RAD51D: variants seen among roughly 807,000 people sequenced by gnomAD.
The protein encoded by RAD51D is DNA repair protein RAD51 homolog 4.
A neutral mutation model predicts 44.1 loss-of-function variants in RAD51D; 38 were observed. The observed-to-expected ratio is 0.86, with a 90% CI of 0.67 to 1.13. RAD51D has a LOEUF of 1.13. Ranked by LOEUF, RAD51D falls within the 50% of genes most tolerant of loss-of-function variation. RAD51D has a pLI of 0.00. For synonymous variants in RAD51D, 141 were observed against 166.6 expected (o/e 0.85, Z 1.18); for missense variants, 390 against 414.0 (o/e 0.94, Z 0.50).
rs2091512547 is a variant in RAD51D, at chr17:35,099,710, A to C, written c.*1243T>G. ...CCTCCTTTCCTGCAGCCAAGACATAACTGATTAATTACACAACAGGCTCTC... is the reference window on the plus strand; with the variant it reads ...CCTCCTTTCCTGCAGCCAAGACATACCTGATTAATTACACAACAGGCTCTC... On this transcript the variant is annotated 3_prime_UTR_variant, in exon 10 of 10. Coordinates refer to ENST00000345365, the MANE Select transcript of RAD51D (RefSeq NM_002878.4). The C allele has an allele frequency of 2.5e-6, 1 of 393,520 alleles. No homozygotes were observed. Among genetic ancestry groups the C allele is most frequent in the South Asian group, 2.1e-5 (1 of 48,424 alleles). The allele number at this position is 393,520 out of a possible 1,614,324, so 24.4% of individuals were successfully genotyped here. A position where few individuals can be genotyped will look rare whatever the true frequency, so the allele number is the denominator to read the frequency against.
At chr17:35,119,409 G>T in intron 1 of RAD51D, 123 bp downstream of exon 1, 1 of 1,182,600 alleles carries the variant, frequency 8.5e-7, no homozygotes, top group Non-Finnish European at 1.2e-6. Flanking sequence ...CTCCAGAAGC[G>T]CGGCCCTCTA....
intron 8 of RAD51D, 99 bp from the exon 9 acceptor site, chr17:35,101,464 G>A: frequency 7.5e-7 from 1 of 1,332,406 alleles, no homozygotes; most frequent in Non-Finnish European, 1.1e-6. Context: ...GCCTAGCACA[G>A]AGAAATAACT....
In RAD51D at chr17:35,096,645, G is replaced by C. The variant is rs1278120514; in HGVS notation, c.*4308C>G. The C allele has an allele frequency of 6.6e-6, 1 of 152,140 alleles. No individual in the cohort carries two copies. The highest frequency in any genetic ancestry group is 1.5e-5 in the Non-Finnish European group (1 of 68,044). 9.4% of individuals were successfully genotyped at this position (152,140 alleles called of 1,614,324 possible). A position where few individuals can be genotyped will look rare whatever the true frequency, so the allele number is the denominator to read the frequency against. On this transcript the variant is annotated 3_prime_UTR_variant, in exon 10 of 10. Coordinates refer to ENST00000345365, the MANE Select transcript of RAD51D (RefSeq NM_002878.4). ...GGAGGTCAAGGCGGGTAGATCACCT[G>C]AGCCCAGGAGTTCAAGACCAGCCTG...
At position 35,119,744 on chromosome 17, in the gene RAD51D, A is replaced by G; in HGVS notation, c.-131T>C. 1 of 860,120 alleles carries G rather than the reference A, an allele frequency of 1.2e-6. No homozygotes were observed. Among genetic ancestry groups the G allele is most frequent in the Non-Finnish European group, 1.9e-6 (1 of 526,978 alleles). The allele number at this position is 860,120 out of a possible 1,614,324, so 53.3% of individuals were successfully genotyped here. ...AGGCGCGCTGGCTGCCGGAGGAGAA[A>G]GGAGAGAGGAGGAGGCGGCACCAAG... On this transcript the variant is annotated 5_prime_UTR_variant, in exon 1 of 10. Coordinates refer to ENST00000345365, the MANE Select transcript of RAD51D (RefSeq NM_002878.4).
rs896578423 is a variant in RAD51D, at chr17:35,093,146, G to A, written c.*7807C>T. On this transcript the variant is annotated 3_prime_UTR_variant, in exon 10 of 10. Coordinates refer to ENST00000345365, the MANE Select transcript of RAD51D (RefSeq NM_002878.4). ...ATAAGCTTATTCATAATATGAGATTGAGTGCCTATATCATGCCTGGAAAAC... is the reference window on the plus strand; with the variant it reads ...ATAAGCTTATTCATAATATGAGATTAAGTGCCTATATCATGCCTGGAAAAC... The A allele has an allele frequency of 6.6e-6, 1 of 152,118 alleles. No homozygotes were observed. The highest frequency in any genetic ancestry group is 2.4e-5 in the African/African-American group (1 of 41,412). 9.4% of individuals were successfully genotyped at this position (152,118 alleles called of 1,614,324 possible). A position where few individuals can be genotyped will look rare whatever the true frequency, so the allele number is the denominator to read the frequency against.
intron 4 of RAD51D, 80 bp downstream of exon 4, chr17:35,107,286 T>G: frequency 6.8e-7 from 1 of 1,467,218 alleles, no homozygotes; most frequent in Non-Finnish European, 9.5e-7. Flanking sequence ...ATTAGTACGC[T>G]GAAGCTCCCC....
intron 3 of RAD51D, chr17:35,117,007 C>T (rs2091757951): frequency 6.2e-7 from 1 of 1,613,656 alleles, no homozygotes; most frequent in Non-Finnish European, 8.5e-7. Flanking sequence ...TGCAGTCCTC[C>T]CAGGTTCCCA....
At position 35,100,233 on chromosome 17, in the gene RAD51D, C is replaced by T. The variant is rs1009781629; in HGVS notation, c.*720G>A. 4 of 532,468 alleles carry T rather than the reference C, an allele frequency of 7.5e-6. No homozygotes were observed. Among genetic ancestry groups the T allele is most frequent in the East Asian group, 7.8e-5 (2 of 25,536 alleles). The allele number at this position is 532,468 out of a possible 1,614,324, so 33.0% of individuals were successfully genotyped here. ...TTAAATTATATCCCTGGAACTGCAG[C>T]GAGCCCACACGTTCTCACCTAGTCA... On this transcript the variant is annotated 3_prime_UTR_variant, in exon 10 of 10. Coordinates refer to ENST00000345365, the MANE Select transcript of RAD51D (RefSeq NM_002878.4).
rs764351040 is a variant in RAD51D at position 35,118,560 on chromosome 17, G to T, written c.204C>A (p.Gly68=). 3 of 1,614,020 alleles carry T rather than the reference G, an allele frequency of 1.9e-6. No homozygotes were observed. The highest frequency in any genetic ancestry group is 2.5e-6 in the Non-Finnish European group (3 of 1,180,044). ...TCTTCAGTTCCTCGTAGAGATCAGC[G>T]CCATTCACGGGGAAAGCCGAGAACT... ...LAQFSAFPVN[G]ADLYEELKTS... Residue 68 remains glycine, a synonymous_variant, in exon 3 of 10, where the codon GGC becomes GGA. Transcript: ENST00000345365.
At chr17:35,108,873 T>C (rs546181712) in intron 3 of RAD51D, among the ~76,000 whole-genome samples, 1 of 150,134 alleles carries the variant, frequency 6.7e-6, no homozygotes, top group Non-Finnish European at 1.5e-5. Context: ...CTTTTCTTTT[T>C]TTTTTTTTTT....
Position 35,100,896 on chromosome 17 carries a change from G to C in RAD51D, c.*57C>G, listed in dbSNP as rs1197053407. On this transcript the variant is annotated 3_prime_UTR_variant, in exon 10 of 10. Coordinates refer to ENST00000345365, the MANE Select transcript of RAD51D (RefSeq NM_002878.4). Reference sequence around the variant, plus strand: ...GGCAGTAAACAGCAGGCGTTACTGGGAAGAAAAGTTGGGAGGGGTCCCCAA... The same window carrying C: ...GGCAGTAAACAGCAGGCGTTACTGGCAAGAAAAGTTGGGAGGGGTCCCCAA... 5.5e-6 allele frequency: 8 copies of C among 1,446,182 alleles called. No homozygotes were observed. The highest frequency in any genetic ancestry group is 7.8e-6 in the Non-Finnish European group (8 of 1,028,032). The allele number at this position is 1,446,182 out of a possible 1,614,324, so 89.6% of individuals were successfully genotyped here. A position where few individuals can be genotyped will look rare whatever the true frequency, so the allele number is the denominator to read the frequency against.
rs970320422 is a variant in RAD51D, at chr17:35,099,781, A to G, written c.*1172T>C. Reference sequence around the variant, plus strand: ...CCTTTAAAAGATGTGGCCAGTAACCAATCCTGATCATTTCTGTACTTTTCC... The same window carrying G: ...CCTTTAAAAGATGTGGCCAGTAACCGATCCTGATCATTTCTGTACTTTTCC... On this transcript the variant is annotated 3_prime_UTR_variant, in exon 10 of 10. Coordinates refer to ENST00000345365, the MANE Select transcript of RAD51D (RefSeq NM_002878.4). The G allele has an allele frequency of 4.4e-6, 2 of 449,902 alleles. No homozygotes were observed. Among genetic ancestry groups the G allele is most frequent in the African/African-American group, 4.0e-5 (2 of 50,108 alleles). 27.9% of individuals were successfully genotyped at this position (449,902 alleles called of 1,614,324 possible).
intron 5 of RAD51D, 103 bp downstream of exon 5, chr17:35,106,885 T>C: frequency 2.6e-6 from 4 of 1,555,786 alleles, no homozygotes; most frequent in Non-Finnish European, 3.5e-6. Flanking sequence ...ACAGCAAGTT[T>C]GAAGGCAAGG....
chr17:35,119,442 C>G, intron 1 of RAD51D, 90 bp downstream of exon 1: 1 of 1,406,828 alleles, frequency 7.1e-7, no homozygotes, highest in Non-Finnish European at 1.0e-6. Context: ...AAGCGCCCTG[C>G]AGGTATGCCA....
At chr17:35,108,785 T>C in intron 3 of RAD51D, among the ~76,000 whole-genome samples, 1 of 152,044 alleles carries the variant, frequency 6.6e-6, no homozygotes, top group South Asian at 2.1e-4. Flanking sequence ...CAACCACTAA[T>C]CTCTATTATG....
intron 3 of RAD51D, chr17:35,115,187 CA>C: frequency 8.4e-6 from 4 of 476,812 alleles, no homozygotes; most frequent in South Asian, 6.1e-5. Context: ...GCCTAGAATA[CA>C]GGTGATTTCT....
At chr17:35,117,702 C>G (rs2091766675) in intron 3 of RAD51D, among the ~76,000 whole-genome samples, 1 of 152,124 alleles carries the variant, frequency 6.6e-6, no homozygotes, top group African/African-American at 2.4e-5. Context: ...TTTGGGCGGG[C>G]AAGCAGGCCA....
At chr17:35,105,603 G>GTCATTA (rs1402151905) in intron 6 of RAD51D, among the ~76,000 whole-genome samples, 1 of 152,160 alleles carries the variant, frequency 6.6e-6, no homozygotes, top group Non-Finnish European at 1.5e-5. Context: ...TCCACATCTA[G>GTCATTA]TCATTTATAA....
rs730881935 is a variant in RAD51D, at chr17:35,107,104, CT to C, written c.363del (p.Ala122GlnfsTer14). ...SGKTQVCLCM[A>X]ANVAHGLQQN... ...TGCTGCAGGCCATGGGCCACATTTG[CT>C]GCCATACAGAGACATACCTGGGGGT... On this transcript the variant is annotated frameshift_variant, in exon 5 of 10. Coordinates refer to ENST00000345365, the MANE Select transcript of RAD51D (RefSeq NM_002878.4). LOFTEE classifies it high-confidence loss of function. The C allele has an allele frequency of 1.5e-5, 25 of 1,614,094 alleles. No individual in the cohort carries two copies. In the South Asian group the frequency reaches 2.7e-4, roughly 18 times the overall value.
Sources: allele counts gnomAD v4.1 joint callset (sites outside exome capture counted in the v4.1 genomes callset), GRCh38; gene constraint gnomAD v4.1.1; transcripts MANE v1.5; gene names NCBI Gene and HGNC (gene_info 2026-07-23, HGNC 2026-07-21).